LGSN: variants seen among roughly 807,000 people sequenced by gnomAD.
LGSN encodes lengsin.
In LGSN, 21 loss-of-function variants were observed where a neutral mutation model predicts 19.5. That is an observed-to-expected ratio of 1.07 (90% CI 0.76 to 1.55). LGSN has a LOEUF of 1.55. LGSN is among the 40% of genes most tolerant of loss of function. The pLI is 0.00. For synonymous variants in LGSN, 257 were observed against 215.6 expected (o/e 1.19, Z -1.68); for missense variants, 673 against 608.5 (o/e 1.11, Z -1.12).
chr6:63,338,381 A>T, the LGSN span, among the ~76,000 whole-genome samples: 1 of 152,126 alleles, frequency 6.6e-6, no homozygotes, highest in Non-Finnish European at 1.5e-5. Flanking sequence ...GCCCTCACTG[A>T]AGCTCTGAAC....
chr6:63,566,946 A>G, the LGSN span, among the ~76,000 whole-genome samples: 2 of 152,220 alleles, frequency 1.3e-5, no homozygotes, highest in African/African-American at 4.8e-5. Flanking sequence ...AGTAGATTCT[A>G]TCTCAAGAAA....
the LGSN span, among the ~76,000 whole-genome samples, chr6:63,432,420 G>A: frequency 6.6e-6 from 1 of 151,950 alleles, no homozygotes; most frequent in East Asian, 1.9e-4. Flanking sequence ...GGCTGAGCGT[G>A]GTGGCTCATG....
the LGSN span, among the ~76,000 whole-genome samples, chr6:63,443,914 CAAA>C: frequency 7.1e-6 from 1 of 141,036 alleles, no homozygotes. Flanking sequence ...CAGCTGTCAC[CAAA>C]AAAAAAAAAA....
chr6:63,546,048 G>T, the LGSN span, among the ~76,000 whole-genome samples: 1 of 150,350 alleles, frequency 6.7e-6, no homozygotes, highest in African/African-American at 2.5e-5. Context: ...TATGAAATCA[G>T]TATGTTGAAG....
At chr6:63,447,270 G>C in the LGSN span, among the ~76,000 whole-genome samples, 1 of 152,142 alleles carries the variant, frequency 6.6e-6, no homozygotes, top group Admixed American at 6.6e-5. Flanking sequence ...CCTCAATAAA[G>C]TTCTGGCTTT....
At chr6:63,556,033 A>G in the LGSN span, among the ~76,000 whole-genome samples, 6 of 152,096 alleles carry the variant, frequency 3.9e-5, no homozygotes, top group Non-Finnish European at 7.4e-5. Context: ...TTGGTATAAC[A>G]CAATAAAGAC....
the LGSN span, among the ~76,000 whole-genome samples, chr6:63,408,448 A>G: frequency 1.4e-5 from 2 of 145,610 alleles, no homozygotes; most frequent in Non-Finnish European, 3.0e-5. Context: ...CCTATTTAAT[A>G]AATGGTGCTG....
chr6:63,412,806 GAAGGAAGGA>G, the LGSN span, among the ~76,000 whole-genome samples: 1 of 146,508 alleles, frequency 6.8e-6, no homozygotes, highest in Admixed American at 6.9e-5. Flanking sequence ...AGGAAAGAAG[GAAGGAAGGA>G]AAGGAAGGAA....
the LGSN span, among the ~76,000 whole-genome samples, chr6:63,437,278 A>G: frequency 2.6e-5 from 4 of 151,610 alleles, no homozygotes; most frequent in Non-Finnish European, 4.4e-5. Flanking sequence ...TTTTCGCCAA[A>G]TTGTCGGAGA....
the LGSN span, among the ~76,000 whole-genome samples, chr6:63,517,272 G>A: frequency 6.6e-6 from 1 of 152,068 alleles, no homozygotes; most frequent in Non-Finnish European, 1.5e-5. Context: ...TCAAAGAATA[G>A]AGTTTCTCCT....
intron 1 of LGSN, among the ~76,000 whole-genome samples, chr6:63,309,322 C>T (rs1011531698): frequency 5.9e-5 from 9 of 152,088 alleles, no homozygotes; most frequent in African/African-American, 1.2e-4. Flanking sequence ...ATCCCAGCTA[C>T]TCCAGAGGCT....
the LGSN span, among the ~76,000 whole-genome samples, chr6:63,411,472 T>G: frequency 2.6e-5 from 4 of 152,192 alleles, no homozygotes; most frequent in Admixed American, 6.6e-5. Flanking sequence ...TGATCTATAG[T>G]TCTATTGCGC....
chr6:63,568,658 TAA>T, the LGSN span, among the ~76,000 whole-genome samples: 345 of 144,684 alleles, frequency 2.4e-3, 1 homozygote, highest in African/African-American at 8.3e-3. Context: ...ATCATTTTGT[TAA>T]AAAAAAAAAA....
the LGSN span, chr6:63,392,604 A>C: frequency 6.6e-6 from 1 of 152,188 alleles, no homozygotes; most frequent in East Asian, 1.9e-4. Flanking sequence ...TTGCCTCCGG[A>C]GGAGTAGCAG....
At chr6:63,539,767 C>CAAA in the LGSN span, among the ~76,000 whole-genome samples, 74 of 129,196 alleles carry the variant, frequency 5.7e-4, 1 homozygote, top group African/African-American at 1.5e-3. Flanking sequence ...GACTCTGTCT[C>CAAA]AAAAAAAAAA....
chr6:63,445,144 C>T, the LGSN span, among the ~76,000 whole-genome samples: 1 of 152,030 alleles, frequency 6.6e-6, no homozygotes, highest in Non-Finnish European at 1.5e-5. Flanking sequence ...AACTCCATCT[C>T]TACAAAAAAT....
chr6:63,446,405 T>G, the LGSN span, among the ~76,000 whole-genome samples: 3 of 152,152 alleles, frequency 2.0e-5, no homozygotes, highest in Non-Finnish European at 2.9e-5. Context: ...TCTATCTCCC[T>G]CTACCCTGTC....
chr6:63,458,306 A>T, the LGSN span, among the ~76,000 whole-genome samples: 1 of 152,156 alleles, frequency 6.6e-6, no homozygotes, highest in African/African-American at 2.4e-5. Flanking sequence ...ACCTCAGGTG[A>T]TCCACCCACC....
chr6:63,366,284 A>G, the LGSN span, among the ~76,000 whole-genome samples: 19,811 of 152,148 alleles, frequency 0.13, 2,854 homozygotes, highest in African/African-American at 0.36. Flanking sequence ...AAGCATTCTT[A>G]TACACCAATA....
Sources: gnomAD v4.1 joint callset for allele counts (sites outside exome capture counted in the v4.1 genomes callset) on GRCh38, gnomAD v4.1.1 for gene constraint, MANE v1.5 for transcripts, NCBI Gene and HGNC (gene_info 2026-07-23, HGNC 2026-07-21) for gene names.